Variants in DRD2 observed in about 807,000 individuals in gnomAD.
The protein encoded by DRD2 is dopamine receptor D2, also known as D(2) dopamine receptor.
In DRD2, 8 loss-of-function variants were observed where a neutral mutation model predicts 38.0. That is an observed-to-expected ratio of 0.21 (90% CI 0.12 to 0.38). The LOEUF is 0.38. Ranked by LOEUF, DRD2 falls within the 10% of genes least tolerant of loss-of-function variation. The probability of loss-of-function intolerance (pLI) is 1.00; values close to 1 mark genes in which losing one functional copy is unlikely to be tolerated. For missense variants in DRD2, 403 were observed against 607.7 expected (o/e 0.66, Z 3.54); for synonymous variants, 230 against 238.6 (o/e 0.96, Z 0.33).
In DRD2 at chr11:113,417,110, C is replaced by T. The variant is rs996748749; in HGVS notation, c.396-111G>A. ...TCCTTGGGGCTAAACAGTTGACACA[C>T]CTCTATGAAGCTTGCCTGAGATGCT... On this transcript the variant is annotated intron_variant, in intron 3 of 7. Transcript: ENST00000362072. The T allele has an allele frequency of 1.2e-5, 17 of 1,451,148 alleles. No homozygotes were observed. In the African/African-American group the frequency reaches 1.8e-4, roughly 16 times the overall value. The allele number at this position is 1,451,148 out of a possible 1,614,324, so 89.9% of individuals were successfully genotyped here. A position where few individuals can be genotyped will look rare whatever the true frequency, so the allele number is the denominator to read the frequency against.
intron 1 of DRD2, among the ~76,000 whole-genome samples, chr11:113,465,732 G>A (rs1951362698): frequency 6.6e-6 from 1 of 152,204 alleles, no homozygotes; most frequent in Admixed American, 6.5e-5. Flanking sequence ...TCTCTGCTGT[G>A]TAACATTGGG....
intron 1 of DRD2, among the ~76,000 whole-genome samples, chr11:113,458,350 A>G (rs893777127): frequency 6.6e-6 from 1 of 152,056 alleles, no homozygotes; most frequent in Non-Finnish European, 1.5e-5. Context: ...TCTGACCCAC[A>G]TGGGTGATAT....
rs143584711 is a variant in DRD2 at position 113,467,057 on chromosome 11, G to A, written c.-32+8019C>T. The stretch of plus-strand genomic sequence containing the variant: ...GATCCACCGTGGTGCGGGGGCAGGC[G>A]GTGGGAGGCGGTGCTGACATCCTCT... On this transcript the variant is annotated intron_variant, in intron 1 of 7. Transcript: ENST00000362072. Among the ~76,000 whole-genome samples, 156 of 152,274 alleles carry A rather than the reference G, an allele frequency of 1.0e-3. 1 individual carries two copies. The highest frequency in any genetic ancestry group is 2.9e-3 in the African/African-American group (121 of 41,562).
chr11:113,458,361 G>C (rs1007238743), intron 1 of DRD2, among the ~76,000 whole-genome samples: 1 of 151,544 alleles, frequency 6.6e-6, no homozygotes, highest in Admixed American at 6.6e-5. Flanking sequence ...TGGGTGATAT[G>C]GGATGCCAGG....
chr11:113,413,206 G>A (rs1950787330), intron 6 of DRD2: 1 of 626,550 alleles, frequency 1.6e-6, no homozygotes. Context: ...GTGCCACAGT[G>A]GCTGCTGGGG....
intron 1 of DRD2, among the ~76,000 whole-genome samples, chr11:113,438,164 G>A (rs1303478407): frequency 1.3e-5 from 2 of 152,148 alleles, no homozygotes; most frequent in Non-Finnish European, 2.9e-5. Flanking sequence ...TGGAATTGAA[G>A]AAGGTGTGTC....
intron 1 of DRD2, among the ~76,000 whole-genome samples, chr11:113,429,300 A>C (rs7131465): frequency 0.44 from 66,138 of 151,884 alleles, 17,042 homozygotes; most frequent in Non-Finnish European, 0.6. Flanking sequence ...GCTGGAGTGC[A>C]GTGGGGCTAT....
chr11:113,428,058 A>T (rs1245497123), intron 1 of DRD2, among the ~76,000 whole-genome samples: 2 of 152,162 alleles, frequency 1.3e-5, no homozygotes, highest in Non-Finnish European at 2.9e-5. Flanking sequence ...TGACACCTTG[A>T]TCTGGGACGT....
Position 113,412,836 on chromosome 11 carries a change from G to A in DRD2, c.858C>T (p.Ser286=), listed in dbSNP as rs772030347. 3.7e-6 allele frequency: 6 copies of A among 1,613,084 alleles called. No homozygotes were observed. In the African/African-American group the frequency reaches 6.7e-5, roughly 18 times the overall value. ...ACCGGGTCCTCTCGGGTGGGCTGGT[G>A]CTGGAGAGCATCTCCATCTCCAGCT... ...AQELEMEMLS[S]TSPPERTRYS... The change falls in exon 7 of 8, where the codon AGC becomes AGT. Residue 286 remains serine (S), a synonymous_variant. Coordinates refer to ENST00000362072, the MANE Select transcript of DRD2 (RefSeq NM_000795.4).
chr11:113,467,375 A>T (rs371887906), intron 1 of DRD2, among the ~76,000 whole-genome samples: 14 of 152,300 alleles, frequency 9.2e-5, no homozygotes, highest in South Asian at 6.2e-4. Flanking sequence ...TGCACTGGGG[A>T]ATCTCAGGAC....
chr11:113,457,254 G>A (rs936446742), intron 1 of DRD2, among the ~76,000 whole-genome samples: 4 of 152,164 alleles, frequency 2.6e-5, no homozygotes, highest in African/African-American at 9.7e-5. Context: ...GTGGGTCTGG[G>A]TAGTTAAAGA....
intron 1 of DRD2, among the ~76,000 whole-genome samples, chr11:113,441,547 T>C (rs1951092339): frequency 1.3e-5 from 2 of 152,322 alleles, no homozygotes; most frequent in South Asian, 4.1e-4. Flanking sequence ...TCATAAAATC[T>C]TGGAAACACT....
rs950269230 is a variant in DRD2 at position 113,469,148 on chromosome 11, C to G, written c.-32+5928G>C. Among the ~76,000 whole-genome samples, 10 of 152,098 alleles carry G rather than the reference C, an allele frequency of 6.6e-5. 1 individual carries two copies. In the South Asian group the frequency reaches 1.9e-3, roughly 28 times the overall value. ...CTACACCTCCTCCCAGCTCCTCCCC[C>G]AGGTTGGAAGGCTTAGTTGACCCTG... is the stretch of plus-strand genomic sequence containing the variant. On this transcript the variant is annotated intron_variant, in intron 1 of 7. Coordinates refer to ENST00000362072, the MANE Select transcript of DRD2 (RefSeq NM_000795.4).
rs1035442151 is a variant in DRD2, at chr11:113,425,804, G to A, written c.-31-1122C>T. On this transcript the variant is annotated intron_variant, in intron 1 of 7. Coordinates refer to ENST00000362072, the MANE Select transcript of DRD2 (RefSeq NM_000795.4). ...ACTTAGCCTGCTAAATGAGAGGGGT[G>A]GGGGGATGTTCCAGACAGACAATAT... is the stretch of plus-strand genomic sequence containing the variant. Among the ~76,000 whole-genome samples, 2 of 152,080 alleles carry A rather than the reference G, an allele frequency of 1.3e-5. 1 individual carries two copies. Among genetic ancestry groups the A allele is most frequent in the Admixed American group, 1.3e-4 (2 of 15,274 alleles).
intron 1 of DRD2, among the ~76,000 whole-genome samples, chr11:113,428,160 C>T (rs1029222891): frequency 6.6e-6 from 1 of 152,150 alleles, no homozygotes; most frequent in African/African-American, 2.4e-5. Flanking sequence ...CAGACTAATA[C>T]AGGTCCCTAG....
At chr11:113,447,173 T>C (rs1310715437) in intron 1 of DRD2, among the ~76,000 whole-genome samples, 1 of 152,102 alleles carries the variant, frequency 6.6e-6, no homozygotes, top group African/African-American at 2.4e-5. Flanking sequence ...CCCCGGGGCC[T>C]GGGGTAAAGT....
In DRD2 at chr11:113,415,594, T is replaced by C; in HGVS notation, c.550A>G (p.Ile184Val). 6.2e-7 allele frequency: 1 copy of C among 1,613,712 alleles called. No homozygotes were observed. The highest frequency in any genetic ancestry group is 1.3e-5 in the African/African-American group (1 of 75,010). ...TAGACCACGAAGGCCGGGTTGGCAA[T>C]GATGCACTCGTTCTGGTCTGGGGGA... is the stretch of plus-strand genomic sequence containing the variant. ...LNNADQNECI[I>V]ANPAFVVYSS... The change falls in exon 5 of 8, where the codon ATT becomes GTT. Residue 184 changes from isoleucine to valine, a missense_variant. By Grantham distance (29) the Ile-to-Val change is conservative. This residue lies in a region of DRD2 where 162 missense variants were observed against 254.5 expected (regional missense o/e 0.64). Transcript: ENST00000362072.
intron 1 of DRD2, among the ~76,000 whole-genome samples, chr11:113,463,379 G>A (rs992426519): frequency 1.3e-5 from 2 of 152,200 alleles, no homozygotes; most frequent in South Asian, 4.1e-4. Flanking sequence ...GAAGTGGGCC[G>A]TGTCAGGGAC....
intron 1 of DRD2, among the ~76,000 whole-genome samples, chr11:113,462,976 T>A (rs1951337157): frequency 2.0e-5 from 3 of 150,704 alleles, no homozygotes; most frequent in Admixed American, 2.0e-4. Context: ...GGACCTTAGG[T>A]GGTTAGTATT....
Sources: gnomAD v4.1 joint callset for allele counts (sites outside exome capture counted in the v4.1 genomes callset) on GRCh38, gnomAD v4.1.1 for gene constraint, gnomAD v4.1.1 regional missense constraint, MANE v1.5 for transcripts, NCBI Gene and HGNC (gene_info 2026-07-23, HGNC 2026-07-21) for gene names.